The following ZIC5 variants were observed in gnomAD, a reference collection of about 807,000 sequenced individuals.
ZIC5 encodes the protein zinc finger protein ZIC 5.
In ZIC5, 20 loss-of-function variants were observed where a neutral mutation model predicts 28.5. The ratio of observed to expected loss-of-function variants is 0.70; its 90% CI spans 0.49 to 1.02. The LOEUF (loss-of-function observed/expected upper bound fraction) is 1.02, where lower values mean the gene tolerates loss of function less well. Among genes scored for constraint, ZIC5 ranks in the 50% least tolerant of loss-of-function variants. The pLI, the probability that ZIC5 is intolerant of heterozygous loss-of-function variation, is 0.00. For missense variants in ZIC5, 951 were observed against 899.7 expected, an observed-to-expected ratio of 1.06 and a Z score of -0.73; for synonymous variants, 488 against 410.4, an observed-to-expected ratio of 1.19 and a Z score of -2.29.
chr13:99,971,193 A>AGGGGTGGGAGGAAGAGGAG lies in ZIC5; in HGVS notation c.392_410dup (p.Pro139SerfsTer139), dbSNP rs2053154894. On this transcript the variant is annotated frameshift_variant, in exon 1 of 2. Coordinates refer to ENST00000267294, the MANE Select transcript of ZIC5 (RefSeq NM_033132.5). LOFTEE classifies it high-confidence loss of function. ...GAGGCGGGGGAGGGGGAGGGGGTGA[A>AGGGGTGGGAGGAAGAGGAG]GGGGTGGGAGGAAGAGGAGGGGCTG... The AGGGGTGGGAGGAAGAGGAG allele has an allele frequency of 1.7e-5, 1 of 60,344 alleles. No homozygotes were observed. The highest frequency in any genetic ancestry group is 1.7e-4 in the African/African-American group (1 of 5,826). The allele number at this position is 60,344 out of a possible 1,614,324, so 3.7% of individuals were successfully genotyped here.
rs2053145204 is a variant in ZIC5, at chr13:99,970,588, G to A, written c.1016C>T (p.Pro339Leu). ...HHAPPPAPPP[P>L]PAPAQHPHQH... ...GTGCGGGTGCTGCGCGGGCGCCGGC[G>A]GCGGCGGCGGCGCCGGGGGCGGCGC... The change falls in exon 1 of 2, where the codon CCG becomes CTG. Residue 339 changes from proline (P) to leucine (L), a missense_variant. Coordinates refer to ENST00000267294, the MANE Select transcript of ZIC5 (RefSeq NM_033132.5). 1.0e-6 allele frequency: 1 copy of A among 995,106 alleles called. No individual in the cohort carries two copies. 61.6% of individuals were successfully genotyped at this position (995,106 alleles called of 1,614,324 possible).
chr13:99,970,164 G>C lies in ZIC5; in HGVS notation c.1440C>G (p.Arg480=). ...GCTTGTGGATCTTGAGGTTCTCGGA[G>C]CGCGCGAAGACCTTGCCGCAGCCGG... ...PFPGCGKVFA[R]SENLKIHKRT... The change falls in exon 1 of 2, where the codon CGC becomes CGG. Residue 480 remains arginine (R), a synonymous_variant. Coordinates refer to ENST00000267294, the MANE Select transcript of ZIC5 (RefSeq NM_033132.5). The C allele has an allele frequency of 6.2e-7, 1 of 1,611,124 alleles. No homozygotes were observed. Among genetic ancestry groups the C allele is most frequent in the African/African-American group, 1.4e-5 (1 of 74,068 alleles).
At chr13:99,969,709 G>A (rs1207225872) in intron 1 of ZIC5, among the ~76,000 whole-genome samples, 2 of 152,032 alleles carry the variant, frequency 1.3e-5, no homozygotes, top group Non-Finnish European at 2.9e-5. Context: ...GGGGCGGCCC[G>A]GCCTCTCTTT....
At position 99,967,780 on chromosome 13, in the gene ZIC5, G is replaced by A. The variant is rs978215592; in HGVS notation, c.1478-1961C>T. On this transcript the variant is annotated intron_variant, in intron 1 of 1. Coordinates refer to ENST00000267294, the MANE Select transcript of ZIC5 (RefSeq NM_033132.5). ...GAGTTAAATAAAGGAAGAGGTGCACGGAGAAAACAGAAGAAAACAAGGCAA... is the reference window on the plus strand; with the variant it reads ...GAGTTAAATAAAGGAAGAGGTGCACAGAGAAAACAGAAGAAAACAAGGCAA... 2.6e-5 allele frequency among the ~76,000 whole-genome samples: 4 copies of A among 152,222 alleles called. No individual in the cohort carries two copies. The South Asian group carries it at 8.3e-4, about 32-fold the overall frequency.
chr13:99,970,557 G>C lies in ZIC5; in HGVS notation c.1047C>G (p.His349Gln), dbSNP rs947616255. ...CAGCCGCCCCTGGGAGGTGGGGGTG[G>C]TGCTGGTGCGGGTGCTGCGCGGGCG... ...PPAPAQHPHQ[H>Q]HPHLPGAAGA... The change falls in exon 1 of 2, where the codon CAC (histidine) becomes CAG (glutamine). Residue 349 changes from histidine (H) to glutamine (Q), a missense_variant. Transcript: ENST00000267294. 3.8e-6 allele frequency: 4 copies of C among 1,060,438 alleles called. No individual in the cohort carries two copies. Among genetic ancestry groups the C allele is most frequent in the Non-Finnish European group, 4.5e-6 (4 of 879,156 alleles). 65.7% of individuals were successfully genotyped at this position (1,060,438 alleles called of 1,614,324 possible). A position where few individuals can be genotyped will look rare whatever the true frequency, so the allele number is the denominator to read the frequency against.
At chr13:99,968,721 G>A (rs1381312506) in intron 1 of ZIC5, among the ~76,000 whole-genome samples, 1 of 152,194 alleles carries the variant, frequency 6.6e-6, no homozygotes, top group Non-Finnish European at 1.5e-5. Flanking sequence ...GCGAGCAGCC[G>A]GCTTAGCGGG....
At chr13:99,969,001 C>G (rs1393457471) in intron 1 of ZIC5, among the ~76,000 whole-genome samples, 1 of 152,244 alleles carries the variant, frequency 6.6e-6, no homozygotes, top group Admixed American at 6.5e-5. Context: ...CAAGTGATTA[C>G]TGAACGTAAA....
chr13:99,966,086 T>C (rs2053097861), intron 1 of ZIC5, among the ~76,000 whole-genome samples: 1 of 152,094 alleles, frequency 6.6e-6, no homozygotes, highest in Admixed American at 6.5e-5. Flanking sequence ...TCCCTAGTGC[T>C]GAGCTAAGGG....
rs1321263192 is a variant in ZIC5, at chr13:99,971,202, A to T, written c.402T>A (p.Pro134=). The T allele has an allele frequency of 3.5e-6, 1 of 286,148 alleles. No individual in the cohort carries two copies. The highest frequency in any genetic ancestry group is 1.8e-4 in the Admixed American group (1 of 5,702). 17.7% of individuals were successfully genotyped at this position (286,148 alleles called of 1,614,324 possible). ...GAGGGGGAGGGGGTGAAGGGGTGGGAGGAAGAGGAGGGGCTGGGGGCGGGG... is the reference window on the plus strand; with the variant it reads ...GAGGGGGAGGGGGTGAAGGGGTGGGTGGAAGAGGAGGGGCTGGGGGCGGGG... ...SAPPPPAPPL[P]PTPSPPPPPP... Residue 134 remains proline, a synonymous_variant, in exon 1 of 2, where the codon CCT becomes CCA. Transcript: ENST00000267294.
Position 99,971,010 on chromosome 13 carries a change from C to A in ZIC5, c.594G>T (p.Arg198=). 1 of 1,411,538 alleles carries A rather than the reference C, an allele frequency of 7.1e-7. No homozygotes were observed. Among genetic ancestry groups the A allele is most frequent in the Non-Finnish European group, 9.1e-7 (1 of 1,095,722 alleles). 87.4% of individuals were successfully genotyped at this position (1,411,538 alleles called of 1,614,324 possible). The change falls in exon 1 of 2, where the codon CGG becomes CGT. Residue 198 remains arginine, a synonymous_variant. Coordinates refer to ENST00000267294, the MANE Select transcript of ZIC5 (RefSeq NM_033132.5). Reference sequence around the variant, plus strand: ...GGTGCTGGGGGGAGCCGGTGCCGGACCGCTGCTCCCCTCCGAGCGGGGCCC... The same window carrying A: ...GGTGCTGGGGGGAGCCGGTGCCGGAACGCTGCTCCCCTCCGAGCGGGGCCC... ...MHGAPLGGEQ[R]SGTGSPQHPA...
intron 1 of ZIC5, among the ~76,000 whole-genome samples, chr13:99,969,872 C>A (rs1455829203): frequency 6.8e-6 from 1 of 147,732 alleles, no homozygotes; most frequent in African/African-American, 2.5e-5. Flanking sequence ...GCTGCGGGCG[C>A]GCTGGAGACT....
chr13:99,970,809 C>A lies in ZIC5; in HGVS notation c.795G>T (p.Ala265=). ...GQMRLGLAAA[A]AAAAAELYGR... ...CGTACAGCTCAGCCGCCGCGGCTGC[C>A]GCTGCCGCCGCCAGCCCCAGGCGCA... is the stretch of plus-strand genomic sequence containing the variant. The change falls in exon 1 of 2, where the codon GCG becomes GCT. Residue 265 remains alanine, a synonymous_variant. Transcript: ENST00000267294. The A allele has an allele frequency of 8.3e-7, 1 of 1,206,892 alleles. No homozygotes were observed. The highest frequency in any genetic ancestry group is 1.0e-6 in the Non-Finnish European group (1 of 976,342). The allele number at this position is 1,206,892 out of a possible 1,614,324, so 74.8% of individuals were successfully genotyped here.
chr13:99,966,881 C>T (rs547174290), intron 1 of ZIC5, among the ~76,000 whole-genome samples: 1 of 152,202 alleles, frequency 6.6e-6, no homozygotes, highest in African/African-American at 2.4e-5. Context: ...CAGCAGGTAA[C>T]AGTCTAACTG....
chr13:99,964,501 A>C lies in ZIC5; in HGVS notation c.*876T>G, dbSNP rs1350844763. 1.0e-4 allele frequency: 15 copies of C among 147,368 alleles called. No homozygotes were observed. Among genetic ancestry groups the C allele is most frequent in the Admixed American group, 3.4e-4 (5 of 14,798 alleles). The allele number at this position is 147,368 out of a possible 1,614,324, so 9.1% of individuals were successfully genotyped here. A position where few individuals can be genotyped will look rare whatever the true frequency, so the allele number is the denominator to read the frequency against. On this transcript the variant is annotated 3_prime_UTR_variant, in exon 2 of 2. Coordinates refer to ENST00000267294, the MANE Select transcript of ZIC5 (RefSeq NM_033132.5). ...TGAGAATTCAGATAAAAAAAAAAAA[A>C]CATATAGGAAAAAGAAAGCACTTGA...
rs1178791595 is a variant in ZIC5, at chr13:99,965,017, A to ATG, written c.*359_*360insCA. ...CTTTTAAAAAAAATAATATATATAT[A>ATG]TATGTATATATATATATATATATAT... On this transcript the variant is annotated 3_prime_UTR_variant, in exon 2 of 2. Transcript: ENST00000267294. The ATG allele has an allele frequency of 6.9e-4, 84 of 121,772 alleles. No individual in the cohort carries two copies. Among genetic ancestry groups the ATG allele is most frequent in the African/African-American group, 3.0e-3 (80 of 26,536 alleles). The allele number at this position is 121,772 out of a possible 1,614,324, so 7.5% of individuals were successfully genotyped here. A position where few individuals can be genotyped will look rare whatever the true frequency, so the allele number is the denominator to read the frequency against.
At chr13:99,967,923 G>A (rs1433996752) in intron 1 of ZIC5, among the ~76,000 whole-genome samples, 5 of 152,244 alleles carry the variant, frequency 3.3e-5, no homozygotes, top group Admixed American at 2.6e-4. Context: ...GACGAGTCAC[G>A]TCAGAATTTA....
At position 99,970,149 on chromosome 13, in the gene ZIC5, C is replaced by T. The variant is rs1457213613; in HGVS notation, c.1455G>A (p.Lys485=). ...GKVFARSENL[K]IHKRTHTGEK... ...CACCTGTATGAGTACGCTTGTGGAT[C>T]TTGAGGTTCTCGGAGCGCGCGAAGA... is the stretch of plus-strand genomic sequence containing the variant. Residue 485 remains lysine, a synonymous_variant, in exon 1 of 2, where the codon AAG becomes AAA. Transcript: ENST00000267294. 6.2e-7 allele frequency: 1 copy of T among 1,609,266 alleles called. No homozygotes were observed. The highest frequency in any genetic ancestry group is 1.1e-5 in the South Asian group (1 of 90,862).
rs920057259 is a variant in ZIC5, at chr13:99,970,453, C to A, written c.1151G>T (p.Gly384Val). 9.4e-7 allele frequency: 1 copy of A among 1,064,546 alleles called. No homozygotes were observed. The highest frequency in any genetic ancestry group is 5.1e-5 in the Admixed American group (1 of 19,568). 65.9% of individuals were successfully genotyped at this position (1,064,546 alleles called of 1,614,324 possible). The change falls in exon 1 of 2, where the codon GGG becomes GTG. Residue 384 changes from glycine to valine, a missense_variant. Physicochemically the swap from Gly to Val is moderately radical, Grantham distance 109 (BLOSUM62 -3). This residue lies in a region of ZIC5 where 784 missense variants were observed against 660.1 expected (regional missense o/e 1.19). Transcript: ENST00000267294. ...CKWIDPDELA[G>V]LPPPPPPPPP... Reference sequence around the variant, plus strand: ...CGGCGGCGGCGGCGGCGGCGGCAGCCCGGCCAGCTCGTCGGGGTCGATCCA... The same window carrying A: ...CGGCGGCGGCGGCGGCGGCGGCAGCACGGCCAGCTCGTCGGGGTCGATCCA...
chr13:99,965,923 G>T, intron 1 of ZIC5, 104 bp from the exon 2 acceptor site: 2 of 1,173,214 alleles, frequency 1.7e-6, no homozygotes, highest in Admixed American at 2.4e-5. Context: ...TTCTCCCAGA[G>T]ACCAACTCCC....
Sources: gnomAD v4.1 joint callset for allele counts (sites outside exome capture counted in the v4.1 genomes callset) on GRCh38, gnomAD v4.1.1 for gene constraint, gnomAD v4.1.1 regional missense constraint, MANE v1.5 for transcripts, NCBI Gene and HGNC (gene_info 2026-07-23, HGNC 2026-07-21) for gene names.